The following PTPRN2 variants were observed in gnomAD, a reference collection of about 807,000 sequenced individuals.
PTPRN2 encodes protein tyrosine phosphatase receptor type N2.
PTPRN2 carries 74 observed loss-of-function variants against 118.8 expected under a neutral mutation model. The ratio of observed to expected loss-of-function variants is 0.62; its 90% CI spans 0.52 to 0.76. The LOEUF is 0.76. PTPRN2 is among the 30% of genes least tolerant of loss of function. The pLI, the probability that PTPRN2 is intolerant of heterozygous loss-of-function variation, is 0.00. For synonymous variants in PTPRN2, 641 were observed against 608.0 expected (o/e 1.05, Z -0.80); for missense variants, 1,481 against 1,394.4 (o/e 1.06, Z -0.99).
chr7:157,558,572 C>T (rs1442412296), intron 21 of PTPRN2, among the ~76,000 whole-genome samples: 1 of 152,256 alleles, frequency 6.6e-6, no homozygotes, highest in Non-Finnish European at 1.5e-5. Context: ...CAGGGCAAAC[C>T]TTCTCATGCT....
chr7:158,131,977 AACACACACACTC>A (rs1818357581), intron 9 of PTPRN2, among the ~76,000 whole-genome samples: 2 of 150,126 alleles, frequency 1.3e-5, no homozygotes, highest in Non-Finnish European at 3.0e-5. Flanking sequence ...ACATCTACCC[AACACACACACTC>A]ACACACATGT....
Position 158,563,064 on chromosome 7 carries a change from C to T in PTPRN2, c.112+24494G>A, listed in dbSNP as rs1020301919. Among the ~76,000 whole-genome samples the T allele has an allele frequency of 3.3e-5, 5 of 152,154 alleles. No homozygotes were observed. The highest frequency in any genetic ancestry group is 3.8e-4 in the East Asian group (2 of 5,196). Reference sequence around the variant, plus strand: ...CTCCTGGTTTCAGAGAAATCAACCACGGCCACAGCCTCGTCCACATAGAGC... The same window carrying T: ...CTCCTGGTTTCAGAGAAATCAACCATGGCCACAGCCTCGTCCACATAGAGC... On this transcript the variant is annotated intron_variant, in intron 1 of 22. Transcript: ENST00000389418. The surrounding 1 kb of genome is among the most constrained non-coding windows in gnomAD (Gnocchi z 5.1).
At chr7:158,489,887 G>A (rs370768827) in intron 1 of PTPRN2, 102 bp from the exon 2 acceptor site, 22 of 1,106,904 alleles carry the variant, frequency 2.0e-5, no homozygotes, top group East Asian at 1.1e-4. Context: ...AGAAACCGCC[G>A]GTCAAGCAGG....
intron 3 of PTPRN2, among the ~76,000 whole-genome samples, chr7:158,268,362 C>T (rs1316809919): frequency 6.9e-6 from 1 of 145,584 alleles, no homozygotes; most frequent in African/African-American, 2.6e-5. Flanking sequence ...CAGCTGCACG[C>T]ACACAGAGTG....
intron 2 of PTPRN2, among the ~76,000 whole-genome samples, chr7:158,456,737 C>T (rs1040293362): frequency 2.6e-5 from 4 of 152,220 alleles, no homozygotes; most frequent in Non-Finnish European, 5.9e-5. Context: ...TCTACTACAC[C>T]ATATTCTGTG....
chr7:158,575,436 C>G (rs1401036108), intron 1 of PTPRN2, among the ~76,000 whole-genome samples: 2 of 152,180 alleles, frequency 1.3e-5, no homozygotes, highest in African/African-American at 4.8e-5. Flanking sequence ...TTTATCACTG[C>G]TCACTGTAGC....
chr7:157,985,532 T>A (rs1045867517), intron 11 of PTPRN2, among the ~76,000 whole-genome samples: 2 of 152,214 alleles, frequency 1.3e-5, no homozygotes, highest in Non-Finnish European at 2.9e-5. Context: ...AAAGAGAAGA[T>A]ACTGACATGC....
At chr7:158,585,180 A>C (rs1828844521) in intron 1 of PTPRN2, among the ~76,000 whole-genome samples, 1 of 152,168 alleles carries the variant, frequency 6.6e-6, no homozygotes, top group Non-Finnish European at 1.5e-5. Context: ...GGCACAGGTA[A>C]GAAAGCTTCT....
chr7:157,812,589 C>T (rs1164899449), intron 12 of PTPRN2, among the ~76,000 whole-genome samples: 2 of 152,062 alleles, frequency 1.3e-5, no homozygotes, highest in African/African-American at 4.8e-5. Context: ...CAGAGGAGAC[C>T]AGAAACTCTA....
rs186870904 is a variant in PTPRN2, at chr7:157,946,249, G to C, written c.1724-47512C>G. On this transcript the variant is annotated intron_variant, in intron 11 of 22. Transcript: ENST00000389418. Reference sequence around the variant, plus strand: ...CCTCTTCAGCTGGCCCATGCCTCATGGGAGTTTTGTAGCTCTTTCTGCGTT... The same window carrying C: ...CCTCTTCAGCTGGCCCATGCCTCATCGGAGTTTTGTAGCTCTTTCTGCGTT... Among the ~76,000 whole-genome samples, 393 of 152,128 alleles carry C rather than the reference G, an allele frequency of 2.6e-3. 2 individuals carry two copies. The highest frequency in any genetic ancestry group is 8.6e-3 in the African/African-American group (359 of 41,506).
chr7:157,571,978 G>A (rs954387601), intron 19 of PTPRN2, among the ~76,000 whole-genome samples: 5 of 152,274 alleles, frequency 3.3e-5, no homozygotes, highest in African/African-American at 4.8e-5. Context: ...TTTGTGACCC[G>A]TCAGCTTTTG....
rs111671188 is a variant in PTPRN2, at chr7:157,749,567, G to C, written c.1789-66630C>G. ...TGTGTCCCTGAGCTGCGGGGTGTCT[G>C]GGTGATTCTGAAGCCTGCGGCTGTG... On this transcript the variant is annotated intron_variant, in intron 12 of 22. Transcript: ENST00000389418. Among the ~76,000 whole-genome samples, 764 of 137,340 alleles carry C rather than the reference G, an allele frequency of 5.6e-3. 74 individuals carry two copies. Among genetic ancestry groups the C allele is most frequent in the African/African-American group, 0.02 (729 of 35,806 alleles). 90.1% of individuals were successfully genotyped at this position (137,340 alleles called of 152,430 possible). A position where few individuals can be genotyped will look rare whatever the true frequency, so the allele number is the denominator to read the frequency against.
chr7:157,887,955 C>T (rs186057407), intron 12 of PTPRN2, among the ~76,000 whole-genome samples: 55 of 150,170 alleles, frequency 3.7e-4, no homozygotes, highest in African/African-American at 1.3e-3. Flanking sequence ...AGAGCCCACA[C>T]AGGCACCACC....
intron 1 of PTPRN2, among the ~76,000 whole-genome samples, chr7:158,542,300 G>A (rs1408490260): frequency 3.3e-5 from 5 of 152,210 alleles, no homozygotes; most frequent in African/African-American, 7.2e-5. Context: ...ACAGGCGCAC[G>A]CCACCATGCC....
At chr7:158,135,622 C>A (rs1279013981) in intron 8 of PTPRN2, among the ~76,000 whole-genome samples, 1 of 152,158 alleles carries the variant, frequency 6.6e-6, no homozygotes, top group Non-Finnish European at 1.5e-5. Context: ...AACGGCAGCC[C>A]CCCAGAGCGC....
At chr7:157,992,354 G>A (rs956355353) in intron 11 of PTPRN2, among the ~76,000 whole-genome samples, 2 of 152,220 alleles carry the variant, frequency 1.3e-5, no homozygotes, top group Non-Finnish European at 2.9e-5. Context: ...AGGATGAGTT[G>A]GGAGTGGAAT....
chr7:158,143,590 G>C (rs545868183), intron 6 of PTPRN2, among the ~76,000 whole-genome samples: 244 of 152,304 alleles, frequency 1.6e-3, no homozygotes, highest in Non-Finnish European at 2.8e-3. Context: ...GCTAAGGAAA[G>C]GTCCTTCCTG....
chr7:157,653,268 A>G (rs1460746881), intron 14 of PTPRN2, among the ~76,000 whole-genome samples: 2 of 152,144 alleles, frequency 1.3e-5, no homozygotes, highest in Non-Finnish European at 2.9e-5. Flanking sequence ...CATGTCAGGA[A>G]CATGTCGCTG....
At chr7:158,054,805 G>C (rs1054306705) in intron 11 of PTPRN2, among the ~76,000 whole-genome samples, 1 of 152,228 alleles carries the variant, frequency 6.6e-6, no homozygotes, top group East Asian at 1.9e-4. Context: ...CTGGGGGCGC[G>C]GGCACCATTA....
Sources: gnomAD v4.1 joint callset for allele counts (sites outside exome capture counted in the v4.1 genomes callset) on GRCh38, gnomAD v4.1.1 for gene constraint, Gnocchi (gnomAD v3.1) non-coding constraint, MANE v1.5 for transcripts, NCBI Gene and HGNC (gene_info 2026-07-23, HGNC 2026-07-21) for gene names.